The following CCR3 variants were observed in gnomAD, a reference collection of about 807,000 sequenced individuals.
CCR3 encodes the protein C-C chemokine receptor type 3.
For missense variants in CCR3, 419 were observed against 437.5 expected, an observed-to-expected ratio of 0.96 and a Z score of 0.38; for synonymous variants, 203 against 179.2, an observed-to-expected ratio of 1.13 and a Z score of -1.06.
intron 2 of CCR3, among the ~76,000 whole-genome samples, chr3:46,234,641 C>A (rs1700004336): frequency 6.6e-6 from 1 of 152,178 alleles, no homozygotes; most frequent in South Asian, 2.1e-4. Flanking sequence ...CCCCTGATTT[C>A]CCTTGTTTTT....
intron 2 of CCR3, among the ~76,000 whole-genome samples, chr3:46,212,325 G>A (rs1158287645): frequency 1.3e-5 from 2 of 152,270 alleles, no homozygotes; most frequent in South Asian, 2.1e-4. Context: ...CATGACGAAA[G>A]AGGTTGCTTC....
intron 1 of CCR3, among the ~76,000 whole-genome samples, chr3:46,255,140 A>G (rs185830198): frequency 1.2e-3 from 176 of 152,026 alleles, no homozygotes; most frequent in South Asian, 4.8e-3. Flanking sequence ...TTTCCCTGAT[A>G]ATTAGTGGTG....
At position 46,265,343 on chromosome 3, in the gene CCR3, A is replaced by C; in HGVS notation, c.185A>C (p.Tyr62Ser). The C allele has an allele frequency of 1.2e-6, 2 of 1,614,120 alleles. No homozygotes were observed. Among genetic ancestry groups the C allele is most frequent in the Non-Finnish European group, 1.7e-6 (2 of 1,180,004 alleles). The change falls in exon 2 of 2, where the codon TAC becomes TCC. Residue 62 changes from tyrosine (Y) to serine (S), a missense_variant. Tyr to Ser is a moderately radical substitution (Grantham distance 144). Transcript: ENST00000395940. The part of the protein sequence containing the change: ...NVVVVMILIK[Y>S]RRLRIMTNIY... ...GTGGTGGTGATGATCCTCATAAAATACAGGAGGCTCCGAATTATGACCAAC... is the reference window on the plus strand; with the variant it reads ...GTGGTGGTGATGATCCTCATAAAATCCAGGAGGCTCCGAATTATGACCAAC...
upstream of CCR3, among the ~76,000 whole-genome samples, chr3:46,239,684 T>C (rs1163795904): frequency 6.6e-6 from 1 of 152,214 alleles, no homozygotes; most frequent in African/African-American, 2.4e-5. Flanking sequence ...AATTCCCTTA[T>C]CCACAGGTTA....
Position 46,265,382 on chromosome 3 carries a change from A to G in CCR3, c.224A>G (p.Asn75Ser), listed in dbSNP as rs778356102. 6.2e-6 allele frequency: 10 copies of G among 1,613,934 alleles called. No homozygotes were observed. The Admixed American group carries it at 1.3e-4, about 22-fold the overall frequency. The change falls in exon 2 of 2, where the codon AAC becomes AGC. Residue 75 changes from asparagine to serine, a missense_variant. Physicochemically the swap from Asn to Ser is conservative, Grantham distance 46. Transcript: ENST00000395940. ...LRIMTNIYLL[N>S]LAISDLLFLV... ...ATTATGACCAACATCTACCTGCTCAACCTGGCCATTTCGGACCTGCTCTTC... is the reference window on the plus strand; with the variant it reads ...ATTATGACCAACATCTACCTGCTCAGCCTGGCCATTTCGGACCTGCTCTTC...
chr3:46,266,669 C>T lies in CCR3; in HGVS notation c.*443C>T, dbSNP rs1700641322. 5.9e-6 allele frequency: 1 copy of T among 170,510 alleles called. No homozygotes were observed. Among genetic ancestry groups the T allele is most frequent in the Non-Finnish European group, 1.4e-5 (1 of 70,750 alleles). 10.6% of individuals were successfully genotyped at this position (170,510 alleles called of 1,614,324 possible). ...AGTTCTTTCCCTGCTTAATGAAAAG[C>T]TTGTTTTTTCAGTGTGAATAAATAA... is the stretch of plus-strand genomic sequence containing the variant. On this transcript the variant is annotated 3_prime_UTR_variant, in exon 2 of 2. Coordinates refer to ENST00000395940, the MANE Select transcript of CCR3 (RefSeq NM_178329.3).
At chr3:46,239,373 T>C (rs1421168747), upstream of CCR3, among the ~76,000 whole-genome samples, 1 of 152,270 alleles carries the variant, frequency 6.6e-6, no homozygotes, top group East Asian at 1.9e-4. Flanking sequence ...TGCTTTGTTA[T>C]AGTTTTAACT....
At chr3:46,262,289 C>T (rs1477822400) in intron 1 of CCR3, among the ~76,000 whole-genome samples, 1 of 152,178 alleles carries the variant, frequency 6.6e-6, no homozygotes, top group Non-Finnish European at 1.5e-5. Flanking sequence ...GTAACAGAGA[C>T]CAAAATAGTT....
At chr3:46,248,492 T>G (rs1343007763) in intron 1 of CCR3, among the ~76,000 whole-genome samples, 2 of 151,656 alleles carry the variant, frequency 1.3e-5, no homozygotes, top group Non-Finnish European at 2.9e-5. Flanking sequence ...GAATTCTGAC[T>G]GCACTAACCA....
chr3:46,261,248 TA>T (rs1231409064), intron 1 of CCR3, among the ~76,000 whole-genome samples: 2 of 152,200 alleles, frequency 1.3e-5, no homozygotes, highest in African/African-American at 4.8e-5. Flanking sequence ...CAAATGGCTC[TA>T]ATAGGTAAGA....
At chr3:46,245,496 G>T (rs1160454588) in intron 1 of CCR3, among the ~76,000 whole-genome samples, 1 of 150,608 alleles carries the variant, frequency 6.6e-6, no homozygotes, top group Admixed American at 6.6e-5. Context: ...CAGACCAAAG[G>T]CATACAAAAA....
intron 2 of CCR3, among the ~76,000 whole-genome samples, chr3:46,212,191 A>T (rs1699722171): frequency 6.6e-6 from 1 of 152,122 alleles, no homozygotes; most frequent in Non-Finnish European, 1.5e-5. Flanking sequence ...AACTGCATGG[A>T]CCCTGGTGGT....
chr3:46,216,475 A>G (rs575001674), intron 2 of CCR3, among the ~76,000 whole-genome samples: 2 of 152,344 alleles, frequency 1.3e-5, no homozygotes, highest in East Asian at 3.9e-4. Context: ...AGAAATCCAA[A>G]TACAAGAAGC....
intron 1 of CCR3, among the ~76,000 whole-genome samples, chr3:46,257,730 G>A (rs541578258): frequency 1.3e-5 from 2 of 152,150 alleles, no homozygotes; most frequent in Admixed American, 1.3e-4. Context: ...ATATGAGATG[G>A]GATTTATTAG....
At chr3:46,240,950 T>G (rs982209386), upstream of CCR3, among the ~76,000 whole-genome samples, 1 of 152,234 alleles carries the variant, frequency 6.6e-6, no homozygotes, top group Admixed American at 6.5e-5. Flanking sequence ...TATGCTATAT[T>G]GAATATGCTG....
At chr3:46,227,956 GA>G (rs1699921388) in intron 2 of CCR3, among the ~76,000 whole-genome samples, 1 of 151,880 alleles carries the variant, frequency 6.6e-6, no homozygotes, top group Middle Eastern at 3.2e-3. Flanking sequence ...ATAGGTACTT[GA>G]AAAAGTGTAT....
intron 2 of CCR3, among the ~76,000 whole-genome samples, chr3:46,231,817 T>C (rs1487190558): frequency 1.3e-5 from 2 of 152,186 alleles, no homozygotes. Context: ...GATCCATTAT[T>C]CATCCACCCC....
At chr3:46,237,227 A>C (rs1168058978) in intron 2 of CCR3, among the ~76,000 whole-genome samples, 1 of 152,208 alleles carries the variant, frequency 6.6e-6, no homozygotes, top group Non-Finnish European at 1.5e-5. Flanking sequence ...CTTTGTAAAA[A>C]TACCCAATAA....
At chr3:46,251,983 C>T (rs1393095880) in intron 1 of CCR3, among the ~76,000 whole-genome samples, 1 of 152,058 alleles carries the variant, frequency 6.6e-6, no homozygotes, top group African/African-American at 2.4e-5. Flanking sequence ...TTTTGTGATT[C>T]TTCAGTTACT....
Sources: gnomAD v4.1 joint callset for allele counts (sites outside exome capture counted in the v4.1 genomes callset) on GRCh38, gnomAD v4.1.1 for gene constraint, MANE v1.5 for transcripts, NCBI Gene and HGNC (gene_info 2026-07-23, HGNC 2026-07-21) for gene names.